Variants in SDK1 observed in about 807,000 individuals in gnomAD.
SDK1 encodes the protein protein sidekick-1.
In SDK1, 157 loss-of-function variants were observed where a neutral mutation model predicts 245.5. The ratio of observed to expected loss-of-function variants is 0.64; its 90% confidence interval spans 0.56 to 0.73. The LOEUF is 0.73. Among genes scored for constraint, SDK1 ranks in the 30% least tolerant of loss-of-function variants. The pLI, the probability that SDK1 is intolerant of heterozygous loss-of-function variation, is 0.00. For synonymous variants in SDK1, 1,647 were observed against 1,278.5 expected (o/e 1.29, Z -6.15); for missense variants, 3,583 against 3,002.3 (o/e 1.19, Z -4.52).
chr7:3,449,843 T>A (rs772327755), intron 1 of SDK1, among the ~76,000 whole-genome samples: 2 of 152,230 alleles, frequency 1.3e-5, no homozygotes, highest in Non-Finnish European at 2.9e-5. Context: ...GTGTAGTCTT[T>A]GCCCTCCTAT....
chr7:4,183,458 AC>A (rs1782706070), intron 35 of SDK1, among the ~76,000 whole-genome samples: 1 of 151,688 alleles, frequency 6.6e-6, no homozygotes, highest in South Asian at 2.1e-4. Context: ...ACATGGTGAA[AC>A]CCCATCTCTA....
intron 4 of SDK1, among the ~76,000 whole-genome samples, chr7:3,716,732 C>T (rs1785211857): frequency 6.7e-6 from 1 of 148,344 alleles, no homozygotes; most frequent in African/African-American, 2.5e-5. Context: ...GCACTTCAGC[C>T]TGGGTGACAA....
intron 1 of SDK1, among the ~76,000 whole-genome samples, chr7:3,412,595 C>G (rs1779242845): frequency 6.6e-6 from 1 of 152,224 alleles, no homozygotes; most frequent in Non-Finnish European, 1.5e-5. Flanking sequence ...TTCCACGTGT[C>G]ATTTCACACA....
chr7:3,414,629 C>T (rs755900721), intron 1 of SDK1, among the ~76,000 whole-genome samples: 6 of 152,116 alleles, frequency 3.9e-5, no homozygotes, highest in Non-Finnish European at 5.9e-5. Flanking sequence ...TTTAAAATTG[C>T]ACAATTGTGA....
chr7:3,325,284 A>AATCCTAACCTTTAATATATAAG (rs1779915549), intron 1 of SDK1, among the ~76,000 whole-genome samples: 1 of 152,122 alleles, frequency 6.6e-6, no homozygotes, highest in Non-Finnish European at 1.5e-5. Flanking sequence ...GTTTTATAGT[A>AATCCTAACCTTTAATATATAAG]ATCCTAACCT....
Position 3,315,515 on chromosome 7 carries a change from T to C in SDK1, c.298+13631T>C, listed in dbSNP as rs73288341. On this transcript the variant is annotated intron_variant, in intron 1 of 44. Coordinates refer to ENST00000404826, the MANE Select transcript of SDK1 (RefSeq NM_152744.4). Reference sequence around the variant, plus strand: ...TCTGACATAGGGTCACGCATGCACATGCAAGTAGAAAAGGGTGTGGAAGTC... The same window carrying C: ...TCTGACATAGGGTCACGCATGCACACGCAAGTAGAAAAGGGTGTGGAAGTC... 8.3e-3 allele frequency among the ~76,000 whole-genome samples: 1,266 copies of C among 152,214 alleles called. 22 individuals are homozygous for C. Among genetic ancestry groups the C allele is most frequent in the African/African-American group, 0.029 (1,193 of 41,550 alleles).
chr7:3,651,971 C>T (rs1433608405), intron 4 of SDK1, among the ~76,000 whole-genome samples: 1 of 152,064 alleles, frequency 6.6e-6, no homozygotes, highest in Non-Finnish European at 1.5e-5. Flanking sequence ...ATTTATATTT[C>T]CGAGAAGATT....
At chr7:3,426,184 G>A (rs190006806) in intron 1 of SDK1, among the ~76,000 whole-genome samples, 20 of 152,306 alleles carry the variant, frequency 1.3e-4, no homozygotes, top group African/African-American at 4.8e-4. Flanking sequence ...ATGATAGTAG[G>A]AAGAGGAGGG....
chr7:3,450,742 A>C (rs1178179310), intron 1 of SDK1, among the ~76,000 whole-genome samples: 5 of 152,134 alleles, frequency 3.3e-5, no homozygotes. Flanking sequence ...TGACATTATC[A>C]GTGTATATAG....
intron 5 of SDK1, among the ~76,000 whole-genome samples, chr7:3,890,871 G>A (rs188816503): frequency 2.0e-5 from 3 of 152,166 alleles, no homozygotes; most frequent in East Asian, 3.9e-4. Context: ...GAACCCAGGA[G>A]GGGGAGGTTG....
chr7:3,905,943 C>T (rs1194236939), intron 5 of SDK1, among the ~76,000 whole-genome samples: 1 of 152,140 alleles, frequency 6.6e-6, no homozygotes, highest in Non-Finnish European at 1.5e-5. Context: ...AAATTCTTAG[C>T]CTTATTTTTT....
chr7:4,233,200 C>T lies in SDK1; in HGVS notation c.5828-55C>T, dbSNP rs1785908200. The T allele has an allele frequency of 2.6e-6, 4 of 1,558,030 alleles. No homozygotes were observed. In the South Asian group the frequency reaches 4.6e-5, roughly 18 times the overall value. On this transcript the variant is annotated intron_variant, in intron 40 of 44. Transcript: ENST00000404826. ...CCACCAGGCAGGTGCATGGGGCTCG[C>T]ATCTGGGACTTCGCACTTCTAACCT...
At chr7:3,583,732 G>A (rs1175167609) in intron 1 of SDK1, among the ~76,000 whole-genome samples, 1 of 152,154 alleles carries the variant, frequency 6.6e-6, no homozygotes, top group African/African-American at 2.4e-5. Context: ...TGCCACAGAA[G>A]GCATTGGCAG....
At position 3,821,480 on chromosome 7, in the gene SDK1, C is replaced by G; in HGVS notation, c.744C>G (p.Ile248Met). The change falls in exon 5 of 45, where the codon ATC (isoleucine) becomes ATG (methionine). Residue 248 changes from isoleucine (I) to methionine (M), a missense_variant. By Grantham distance (10) the Ile-to-Met change is conservative (BLOSUM62 1). Coordinates refer to ENST00000404826, the MANE Select transcript of SDK1 (RefSeq NM_152744.4). ...IAITLENQLV[I>M]LATTTSDAGA... ...TCACATTGGAGAATCAGCTGGTGAT[C>G]CTCGCCACCACAACCAGTGATGCCG... 6.2e-7 allele frequency: 1 copy of G among 1,613,538 alleles called. No homozygotes were observed. The highest frequency in any genetic ancestry group is 8.5e-7 in the Non-Finnish European group (1 of 1,179,748).
rs1781178448 is a variant in SDK1, at chr7:3,880,409, G to C, written c.847+58826G>C. Among the ~76,000 whole-genome samples the C allele has an allele frequency of 2.6e-5, 4 of 152,310 alleles. No homozygotes were observed. The South Asian group carries it at 8.3e-4, about 32-fold the overall frequency. On this transcript the variant is annotated intron_variant, in intron 5 of 44. Transcript: ENST00000404826. ...ACACAGCGAGAACCAGCACGGGGCG[G>C]GGGCCTTGGGTAGCCTCAGCAGCAG...
chr7:3,563,590 A>G (rs561955099), intron 1 of SDK1, among the ~76,000 whole-genome samples: 5 of 152,350 alleles, frequency 3.3e-5, no homozygotes, highest in African/African-American at 1.2e-4. Context: ...GCAGAGAGAC[A>G]TCAACAGTTG....
chr7:3,634,684 G>C (rs1408114700), intron 2 of SDK1, among the ~76,000 whole-genome samples: 2 of 152,198 alleles, frequency 1.3e-5, no homozygotes, highest in Admixed American at 6.5e-5. Flanking sequence ...ATTCCCATCT[G>C]TTAGGTGAAC....
intron 1 of SDK1, among the ~76,000 whole-genome samples, chr7:3,487,754 C>CAAAA (rs764105126): frequency 0.024 from 1,574 of 64,856 alleles, 51 homozygotes; most frequent in South Asian, 0.058. Flanking sequence ...GACCCCATCT[C>CAAAA]AAAAAAAAAA....
chr7:3,320,106 A>ATG, intron 1 of SDK1, among the ~76,000 whole-genome samples: 1 of 151,404 alleles, frequency 6.6e-6, no homozygotes, highest in South Asian at 2.1e-4. Flanking sequence ...TTCTCTTCTG[A>ATG]TGTATGGGTT....
Sources: allele counts gnomAD v4.1 joint callset (sites outside exome capture counted in the v4.1 genomes callset), GRCh38; gene constraint gnomAD v4.1.1; transcripts MANE v1.5; gene names NCBI Gene and HGNC (gene_info 2026-07-23, HGNC 2026-07-21).